The following DOK6 variants were observed in gnomAD, a reference collection of about 807,000 sequenced individuals.
DOK6 encodes the protein docking protein 6, also known as downstream of tyrosine kinase 6.
A neutral mutation model predicts 44.0 loss-of-function variants in DOK6; 22 were observed. The observed-to-expected ratio is 0.50, with a 90% CI of 0.36 to 0.71. The LOEUF (loss-of-function observed/expected upper bound fraction) is 0.71. Among genes scored for constraint, DOK6 ranks in the 30% least tolerant of loss-of-function variants. The pLI is 0.00. For missense variants in DOK6, 340 were observed against 416.4 expected, an observed-to-expected ratio of 0.82 and a Z score of 1.60; for synonymous variants, 166 against 145.5, an observed-to-expected ratio of 1.14 and a Z score of -1.01.
intron 7 of DOK6, among the ~76,000 whole-genome samples, chr18:69,778,861 G>A (rs1221774617): frequency 3.3e-5 from 5 of 152,140 alleles, no homozygotes; most frequent in Admixed American, 2.0e-4. Context: ...GCCATTGTTA[G>A]TATGTTTCCC....
chr18:69,498,753 A>T (rs1378596156), intron 1 of DOK6, among the ~76,000 whole-genome samples: 1 of 152,182 alleles, frequency 6.6e-6, no homozygotes, highest in Non-Finnish European at 1.5e-5. Flanking sequence ...TAATTCTTCC[A>T]GGCATGGAAC....
chr18:69,684,118 T>C (rs1322764643), intron 4 of DOK6, among the ~76,000 whole-genome samples: 1 of 152,226 alleles, frequency 6.6e-6, no homozygotes, highest in Non-Finnish European at 1.5e-5. Flanking sequence ...TTGCCTGCCA[T>C]TGTGTTGTAC....
chr18:69,627,404 T>G (rs1022035915), intron 3 of DOK6, among the ~76,000 whole-genome samples: 3 of 152,158 alleles, frequency 2.0e-5, no homozygotes, highest in Non-Finnish European at 4.4e-5. Context: ...ACTGGTGTAA[T>G]AATTTATAAA....
chr18:69,641,298 A>G (rs1351777020), intron 3 of DOK6, among the ~76,000 whole-genome samples: 8 of 152,206 alleles, frequency 5.3e-5, no homozygotes, highest in Non-Finnish European at 7.4e-5. Flanking sequence ...AAAAACTTCC[A>G]CTTAATCATT....
intron 7 of DOK6, among the ~76,000 whole-genome samples, chr18:69,826,551 T>G (rs901311902): frequency 1.3e-5 from 2 of 152,198 alleles, no homozygotes; most frequent in Non-Finnish European, 2.9e-5. Context: ...AAAAGTGTTC[T>G]CCTAAAACAT....
At chr18:69,718,252 C>G (rs1389291018) in intron 5 of DOK6, among the ~76,000 whole-genome samples, 1 of 152,104 alleles carries the variant, frequency 6.6e-6, no homozygotes. Context: ...CATTCAGGAA[C>G]CTCCCTCTCT....
chr18:69,729,556 A>C (rs1238503088), intron 5 of DOK6, among the ~76,000 whole-genome samples: 2 of 152,108 alleles, frequency 1.3e-5, no homozygotes, highest in East Asian at 3.9e-4. Flanking sequence ...GAGGTGGGAA[A>C]CTATCTCAAT....
intron 5 of DOK6, among the ~76,000 whole-genome samples, chr18:69,707,105 AT>A (rs777553464): frequency 2.0e-5 from 3 of 152,236 alleles, no homozygotes; most frequent in Non-Finnish European, 4.4e-5. Flanking sequence ...ACAGAATAAA[AT>A]ACCTAGGAAT....
chr18:69,827,522 A>C (rs1358740302), intron 7 of DOK6, among the ~76,000 whole-genome samples: 2 of 152,096 alleles, frequency 1.3e-5, no homozygotes, highest in Non-Finnish European at 1.5e-5. Flanking sequence ...TGATAATTAC[A>C]TATCAAACTT....
chr18:69,489,166 A>T (rs1027308534), intron 1 of DOK6, among the ~76,000 whole-genome samples: 1 of 152,252 alleles, frequency 6.6e-6, no homozygotes, highest in Non-Finnish European at 1.5e-5. Flanking sequence ...TGATTTGGCC[A>T]TAGGTTGATG....
chr18:69,672,946 T>C (rs1985839649), intron 3 of DOK6, among the ~76,000 whole-genome samples: 1 of 148,760 alleles, frequency 6.7e-6, no homozygotes, highest in South Asian at 2.2e-4. Flanking sequence ...TTAATAAATA[T>C]GAAAACAACC....
intron 1 of DOK6, among the ~76,000 whole-genome samples, chr18:69,472,065 C>A (rs919555817): frequency 6.6e-6 from 1 of 152,134 alleles, no homozygotes; most frequent in Non-Finnish European, 1.5e-5. Context: ...ATGATTTTCC[C>A]AAACAACTCT....
intron 1 of DOK6, among the ~76,000 whole-genome samples, chr18:69,560,363 T>C (rs576508722): frequency 5.7e-4 from 87 of 152,172 alleles, no homozygotes; most frequent in African/African-American, 2.0e-3. Flanking sequence ...TGCTATATGG[T>C]GAAGAGAGTA....
intron 1 of DOK6, among the ~76,000 whole-genome samples, chr18:69,481,871 C>T (rs1385164833): frequency 6.6e-6 from 1 of 152,178 alleles, no homozygotes; most frequent in African/African-American, 2.4e-5. Context: ...TCTCCACATC[C>T]TCTCCAGCAC....
At chr18:69,732,018 T>A (rs926458283) in intron 5 of DOK6, among the ~76,000 whole-genome samples, 7 of 152,202 alleles carry the variant, frequency 4.6e-5, no homozygotes, top group African/African-American at 1.7e-4. Flanking sequence ...CTGTTTTATC[T>A]ACCCCATTTG....
intron 4 of DOK6, among the ~76,000 whole-genome samples, chr18:69,691,922 A>T (rs1252954161): frequency 1.3e-5 from 2 of 152,164 alleles, no homozygotes; most frequent in East Asian, 3.9e-4. Context: ...AGGTGTTGGG[A>T]TGGTTCTTAG....
chr18:69,825,592 C>T (rs924866438), intron 7 of DOK6, among the ~76,000 whole-genome samples: 1 of 151,746 alleles, frequency 6.6e-6, no homozygotes, highest in South Asian at 2.1e-4. Context: ...CACCACCACG[C>T]CCGGCTAATT....
Position 69,818,493 on chromosome 18 carries a change from C to T in DOK6, c.857-22751C>T, listed in dbSNP as rs1981468986. Among the ~76,000 whole-genome samples the T allele has an allele frequency of 1.3e-5, 2 of 152,120 alleles. 1 individual carries two copies. Among genetic ancestry groups the T allele is most frequent in the South Asian group, 4.1e-4 (2 of 4,824 alleles). ...CCAGCAGGTGTAAGCTGGATATGGC[C>T]TGAAGTTGCTGTCCACCTGAAGGAT... On this transcript the variant is annotated intron_variant, in intron 7 of 7. Coordinates refer to ENST00000382713, the MANE Select transcript of DOK6 (RefSeq NM_152721.6).
chr18:69,638,162 C>A (rs1380966643), intron 3 of DOK6, among the ~76,000 whole-genome samples: 1 of 152,200 alleles, frequency 6.6e-6, no homozygotes, highest in African/African-American at 2.4e-5. Context: ...TCTGTTGAAA[C>A]CATTCAACCT....
Sources: allele counts gnomAD v4.1 joint callset (sites outside exome capture counted in the v4.1 genomes callset), GRCh38; gene constraint gnomAD v4.1.1; transcripts MANE v1.5; gene names NCBI Gene and HGNC (gene_info 2026-07-23, HGNC 2026-07-21).